MRPL44: variants seen among roughly 807,000 people sequenced by gnomAD.
MRPL44 encodes mitochondrial ribosomal protein L44.
MRPL44 carries 21 observed loss-of-function variants against 25.9 expected under a neutral mutation model. The ratio of observed to expected loss-of-function variants is 0.81; its 90% CI spans 0.58 to 1.17. The LOEUF is 1.17. Ranked by LOEUF, MRPL44 falls within the 50% of genes most tolerant of loss-of-function variation. The probability of loss-of-function intolerance (pLI) is 0.00; values close to 1 mark genes in which losing one functional copy is unlikely to be tolerated. For missense variants in MRPL44, 410 were observed against 398.9 expected (o/e 1.03, Z -0.24); for synonymous variants, 169 against 151.0 (o/e 1.12, Z -0.87).
upstream of MRPL44, among the ~76,000 whole-genome samples, chr2:223,956,743 C>A (rs927820135): frequency 6.6e-6 from 1 of 152,184 alleles, no homozygotes; most frequent in African/African-American, 2.4e-5. Flanking sequence ...ACAAGCCTCC[C>A]TTTGTGACTT....
At chr2:223,953,290 A>G (rs1298315660), upstream of MRPL44, among the ~76,000 whole-genome samples, 1 of 151,910 alleles carries the variant, frequency 6.6e-6, no homozygotes, top group Non-Finnish European at 1.5e-5. Context: ...ACACACCACC[A>G]TGTCCAGATA....
In MRPL44 at chr2:223,966,892, G is replaced by C. The variant is rs1689749159; in HGVS notation, c.857G>C (p.Gly286Ala). The C allele has an allele frequency of 6.2e-7, 1 of 1,613,698 alleles. No individual in the cohort carries two copies. The highest frequency in any genetic ancestry group is 2.2e-5 in the East Asian group (1 of 44,884). Residue 286 changes from glycine to alanine, a missense_variant, in exon 4 of 4, where the codon GGG (glycine) becomes GCG (alanine). Physicochemically the swap from Gly to Ala is moderately conservative, Grantham distance 60 (BLOSUM62 0). Transcript: ENST00000258383. Reference protein sequence around the residue: ...CDKKLIAEGPGETVLVAEEEA... With the variant: ...CDKKLIAEGPAETVLVAEEEA... ...AAAAAGTTGATTGCAGAAGGACCTG[G>C]GGAAACAGTATTGGTTGCAGAAGAA...
In MRPL44 at chr2:223,957,541, G is replaced by C. The variant is rs766708259; in HGVS notation, c.69G>C (p.Lys23Asn). Residue 23 changes from lysine to asparagine, a missense_variant, in exon 1 of 4, where the codon AAG (lysine) becomes AAC (asparagine). Coordinates refer to ENST00000258383, the MANE Select transcript of MRPL44 (RefSeq NM_022915.5). ...HRCLLAPVAP[K>N]LVPPVRGVKK... ...GCCTCCTGGCTCCAGTCGCCCCCAA[G>C]CTGGTCCCTCCGGTTCGGGGAGTGA... 1.9e-6 allele frequency: 3 copies of C among 1,613,968 alleles called. No homozygotes were observed. Among genetic ancestry groups the C allele is most frequent in the Admixed American group, 1.7e-5 (1 of 60,016 alleles).
intron 1 of MRPL44, among the ~76,000 whole-genome samples, chr2:223,958,248 A>G (rs1391070712): frequency 6.6e-6 from 1 of 152,198 alleles, no homozygotes; most frequent in Non-Finnish European, 1.5e-5. Context: ...GGTATTACAA[A>G]GATATGTACC....
At position 223,963,463 on chromosome 2, in the gene MRPL44, T is replaced by C. The variant is rs1329832936; in HGVS notation, c.649-293T>C. Among the ~76,000 whole-genome samples the C allele has an allele frequency of 3.3e-5, 5 of 152,018 alleles. No individual in the cohort carries two copies. In the East Asian group the frequency reaches 9.6e-4, roughly 29 times the overall value. ...CTGTCTCAAAAAAGAAAAAAAAAAT[T>C]ATAGGATTCTACCTTCTGTGGAATT... On this transcript the variant is annotated intron_variant, in intron 2 of 3. Coordinates refer to ENST00000258383, the MANE Select transcript of MRPL44 (RefSeq NM_022915.5).
At chr2:223,957,332 TC>T, upstream of MRPL44, 2 of 1,072,372 alleles carry the variant, frequency 1.9e-6, no homozygotes, top group Non-Finnish European at 2.7e-6. Flanking sequence ...GCCCCTGCCC[TC>T]TCTCAGTCGC....
chr2:223,951,754 C>T, the MRPL44 span, among the ~76,000 whole-genome samples: 1 of 152,126 alleles, frequency 6.6e-6, no homozygotes, highest in Non-Finnish European at 1.5e-5. Flanking sequence ...GCTGGGATTA[C>T]AGGCTTGAGC....
intron 2 of MRPL44, 24 bp downstream of exon 2, chr2:223,960,026 G>A: frequency 6.6e-7 from 1 of 1,515,030 alleles, no homozygotes; most frequent in African/African-American, 1.4e-5. Context: ...AATTGGACAT[G>A]CTTGAGATAG....
chr2:223,957,793 G>A, intron 1 of MRPL44, 142 bp downstream of exon 1: 2 of 1,015,162 alleles, frequency 2.0e-6, no homozygotes, highest in South Asian at 3.4e-5. Flanking sequence ...AGCTGTGGGC[G>A]CGGGGCCTGA....
upstream of MRPL44, among the ~76,000 whole-genome samples, chr2:223,954,163 A>G (rs967218573): frequency 6.6e-6 from 1 of 152,230 alleles, no homozygotes; most frequent in African/African-American, 2.4e-5. Context: ...TTACTAAGTC[A>G]TCATCATTCC....
chr2:223,954,242 C>T (rs1036637077), upstream of MRPL44, among the ~76,000 whole-genome samples: 3 of 152,184 alleles, frequency 2.0e-5, no homozygotes, highest in African/African-American at 4.8e-5. Context: ...GCAAAATCCA[C>T]GCTTCCATCT....
chr2:223,952,679 T>C (rs540535581), upstream of MRPL44, among the ~76,000 whole-genome samples: 44 of 152,358 alleles, frequency 2.9e-4, no homozygotes, highest in South Asian at 6.2e-4. Context: ...GTAACCTAAC[T>C]TGATGTGTAA....
the MRPL44 span, among the ~76,000 whole-genome samples, chr2:223,951,453 G>A: frequency 7.6e-6 from 1 of 131,062 alleles, no homozygotes; most frequent in Non-Finnish European, 1.6e-5. Context: ...AGTATTTATT[G>A]TTAACTCATG....
chr2:223,967,175 T>A lies in MRPL44; in HGVS notation c.*141T>A. 3.8e-6 allele frequency: 3 copies of A among 784,958 alleles called. No individual in the cohort carries two copies. The South Asian group carries it at 7.1e-5, about 18-fold the overall frequency. The allele number at this position is 784,958 out of a possible 1,614,324, so 48.6% of individuals were successfully genotyped here. A position where few individuals can be genotyped will look rare whatever the true frequency, so the allele number is the denominator to read the frequency against. ...TACTGTGTTCCCAAAATTAAATAAG[T>A]GTTAACCAAGTCACAGTGTTTTTGG... is the stretch of plus-strand genomic sequence containing the variant. On this transcript the variant is annotated 3_prime_UTR_variant, in exon 4 of 4. Transcript: ENST00000258383.
Position 223,963,830 on chromosome 2 carries a change from G to A in MRPL44, c.723G>A (p.Leu241=). ...AGATAATAAATCCCATGGGGCTATT[G>A]GTAGAAGAACTGAAGAAAAGGAATG... ...MWKIINPMGL[L]VEELKKRNVS... The change falls in exon 3 of 4, where the codon TTG becomes TTA. Residue 241 remains leucine (L), a synonymous_variant. Transcript: ENST00000258383. The A allele has an allele frequency of 6.2e-7, 1 of 1,613,756 alleles. No homozygotes were observed. The highest frequency in any genetic ancestry group is 8.5e-7 in the Non-Finnish European group (1 of 1,179,824).
rs767312137 is a variant in MRPL44 at position 223,963,788 on chromosome 2, G to T, written c.681G>T (p.Glu227Asp). ...DFLITQMTGK[E>D]LFEMWKIINP... ...TAATTACTCAAATGACTGGAAAAGA[G>T]CTCTTTGAGATGTGGAAGATAATAA... Residue 227 changes from glutamate to aspartate, a missense_variant, in exon 3 of 4, where the codon GAG (glutamate) becomes GAT (aspartate). Glu to Asp is a conservative substitution (Grantham distance 45, BLOSUM62 2). Coordinates refer to ENST00000258383, the MANE Select transcript of MRPL44 (RefSeq NM_022915.5). The T allele has an allele frequency of 6.2e-7, 1 of 1,610,286 alleles. No homozygotes were observed. Among genetic ancestry groups the T allele is most frequent in the Non-Finnish European group, 8.5e-7 (1 of 1,178,696 alleles).
chr2:223,957,844 G>A (rs1689596567), intron 1 of MRPL44, among the ~76,000 whole-genome samples, 193 bp downstream of exon 1: 1 of 152,196 alleles, frequency 6.6e-6, no homozygotes, highest in African/African-American at 2.4e-5. Flanking sequence ...GTAGAGCTTC[G>A]GGCTGTTCCC....
chr2:223,954,338 C>T (rs1232305199), upstream of MRPL44, among the ~76,000 whole-genome samples: 1 of 152,158 alleles, frequency 6.6e-6, no homozygotes, highest in Non-Finnish European at 1.5e-5. Context: ...TGATTTGACC[C>T]TATGTGTATT....
At chr2:223,952,062 C>T in the MRPL44 span, among the ~76,000 whole-genome samples, 11 of 152,124 alleles carry the variant, frequency 7.2e-5, no homozygotes, top group African/African-American at 2.2e-4. Flanking sequence ...ACAGGCTAGC[C>T]GTTTGCCTAT....
Sources: allele counts gnomAD v4.1 joint callset (sites outside exome capture counted in the v4.1 genomes callset), GRCh38; gene constraint gnomAD v4.1.1; transcripts MANE v1.5; gene names NCBI Gene and HGNC (gene_info 2026-07-23, HGNC 2026-07-21).